Variants in PDE4D observed in about 807,000 individuals in gnomAD.
The protein encoded by PDE4D is phosphodiesterase 4D, also known as 3',5'-cyclic-AMP phosphodiesterase 4D.
A neutral mutation model predicts 87.4 loss-of-function variants in PDE4D; 24 were observed. That is an observed-to-expected ratio of 0.27 (90% CI 0.20 to 0.39). PDE4D has a LOEUF of 0.39. Among genes scored for constraint, PDE4D ranks in the 10% least tolerant of loss-of-function variants. The pLI, the probability that PDE4D is intolerant of heterozygous loss-of-function variation, is 1.00. For missense variants in PDE4D, 714 were observed against 1,041.0 expected (o/e 0.69, Z 4.32); for synonymous variants, 384 against 383.2 (o/e 1.00, Z -0.02).
intron 1 of PDE4D, among the ~76,000 whole-genome samples, chr5:59,743,162 C>T (rs1255725286): frequency 1.3e-5 from 2 of 151,978 alleles, no homozygotes; most frequent in East Asian, 1.9e-4. Flanking sequence ...CCTTATTCTT[C>T]ATAATCAAAA....
intron 1 of PDE4D, among the ~76,000 whole-genome samples, chr5:59,349,851 A>G (rs146844607): frequency 1.3e-5 from 2 of 152,102 alleles, no homozygotes; most frequent in Non-Finnish European, 2.9e-5. Context: ...CAATACCTTT[A>G]TATTTATTGC....
At chr5:60,415,649 C>T (rs373153551) in intron 1 of PDE4D, among the ~76,000 whole-genome samples, 99 of 152,360 alleles carry the variant, frequency 6.5e-4, no homozygotes, top group Middle Eastern at 6.8e-3. Context: ...TGCCTCCCCA[C>T]GGGGCAGGGC....
At chr5:59,944,899 G>A (rs539149354) in intron 3 of PDE4D, among the ~76,000 whole-genome samples, 16 of 151,384 alleles carry the variant, frequency 1.1e-4, no homozygotes, top group East Asian at 1.9e-4. Context: ...TGCAGTCTTC[G>A]CAGAATTTAA....
At chr5:60,409,030 A>G (rs1364153858) in intron 1 of PDE4D, among the ~76,000 whole-genome samples, 1 of 152,218 alleles carries the variant, frequency 6.6e-6, no homozygotes, top group East Asian at 1.9e-4. Context: ...AAGCGGACAC[A>G]GCCCCTGTCC....
intron 1 of PDE4D, among the ~76,000 whole-genome samples, chr5:59,618,933 C>T (rs1357840566): frequency 1.3e-5 from 2 of 152,060 alleles, no homozygotes; most frequent in African/African-American, 2.4e-5. Context: ...GATGCTGGCA[C>T]GTTGATATTG....
intron 1 of PDE4D, among the ~76,000 whole-genome samples, chr5:59,605,511 A>G (rs1293066802): frequency 6.6e-6 from 1 of 152,094 alleles, no homozygotes; most frequent in Admixed American, 6.6e-5. Flanking sequence ...TTGCTGCCAG[A>G]CTTTCTCTAA....
chr5:59,549,944 T>C (rs554045754), intron 1 of PDE4D, among the ~76,000 whole-genome samples: 1 of 151,812 alleles, frequency 6.6e-6, no homozygotes, highest in African/African-American at 2.4e-5. Flanking sequence ...GCTAAAAGCA[T>C]TTAGAACTAA....
chr5:60,363,799 A>G (rs1019722820), intron 1 of PDE4D, among the ~76,000 whole-genome samples: 7 of 152,216 alleles, frequency 4.6e-5, no homozygotes, highest in African/African-American at 1.2e-4. Flanking sequence ...TTGAAGTGAG[A>G]AAGAGCTTAG....
intron 5 of PDE4D, among the ~76,000 whole-genome samples, chr5:59,143,105 TTTCC>T (rs762439647): frequency 1.0e-3 from 158 of 151,974 alleles, no homozygotes; most frequent in Middle Eastern, 3.4e-3. Flanking sequence ...TGTTTCCTTC[TTTCC>T]TTCCTTCCTT....
chr5:59,798,966 G>A (rs1011972836), intron 1 of PDE4D, among the ~76,000 whole-genome samples: 5 of 152,192 alleles, frequency 3.3e-5, no homozygotes, highest in African/African-American at 1.2e-4. Context: ...AAGCTTTGGA[G>A]AGAAAGCAGA....
chr5:60,503,099 A>G (rs1362899220), intron 1 of PDE4D, among the ~76,000 whole-genome samples: 3 of 152,120 alleles, frequency 2.0e-5, no homozygotes, highest in African/African-American at 4.8e-5. Context: ...TATCTTTTTG[A>G]TGATGTGGAT....
intron 1 of PDE4D, among the ~76,000 whole-genome samples, chr5:59,242,504 T>C (rs1757879668): frequency 6.6e-6 from 1 of 152,172 alleles, no homozygotes; most frequent in African/African-American, 2.4e-5. Context: ...GGGAAATATT[T>C]AAGTAAATGA....
intron 5 of PDE4D, among the ~76,000 whole-genome samples, chr5:59,058,402 A>G (rs1580568871): frequency 6.6e-6 from 1 of 152,280 alleles, no homozygotes; most frequent in East Asian, 1.9e-4. Context: ...CCAGATGCCT[A>G]TAATGACTAT....
At chr5:59,809,144 G>A (rs1768063492) in intron 1 of PDE4D, among the ~76,000 whole-genome samples, 1 of 152,190 alleles carries the variant, frequency 6.6e-6, no homozygotes, top group Non-Finnish European at 1.5e-5. Flanking sequence ...CTCTAACATA[G>A]GGAGTTGGAC....
At chr5:58,982,964 T>C (rs1016622204) in intron 11 of PDE4D, among the ~76,000 whole-genome samples, 1 of 152,258 alleles carries the variant, frequency 6.6e-6, no homozygotes, top group Admixed American at 6.5e-5. Context: ...CCCAAATTTC[T>C]TTCTCACCAG....
At chr5:60,237,901 A>G (rs547696798) in intron 1 of PDE4D, among the ~76,000 whole-genome samples, 5 of 152,034 alleles carry the variant, frequency 3.3e-5, no homozygotes, top group African/African-American at 1.2e-4. Flanking sequence ...TATCAAATAA[A>G]ATGTTGGGGA....
intron 1 of PDE4D, among the ~76,000 whole-genome samples, chr5:59,702,869 C>CAAAA (rs71604798): frequency 0.047 from 3,227 of 68,154 alleles, 196 homozygotes; most frequent in African/African-American, 0.084. Flanking sequence ...GACCCTGTCT[C>CAAAA]AAAAAAAAAA....
rs13189895 is a variant in PDE4D, at chr5:60,176,948, C to G, written c.42+8609G>C. ...ACCATGTAGGATATAAGAAGAAAGA[C>G]ATTTCACTGTGGGAAGATAAGCAAA... On this transcript the variant is annotated intron_variant, in intron 2 of 16. Coordinates refer to the PDE4D transcript ENST00000502484. Among the ~76,000 whole-genome samples the G allele has an allele frequency of 2.7e-3, 416 of 152,176 alleles. 1 individual carries two copies. The highest frequency in any genetic ancestry group is 8.5e-3 in the African/African-American group (353 of 41,522).
At chr5:60,018,104 A>G (rs529059919) in intron 2 of PDE4D, among the ~76,000 whole-genome samples, 46 of 152,206 alleles carry the variant, frequency 3.0e-4, no homozygotes, top group African/African-American at 1.1e-3. Flanking sequence ...ACTTTTGAGA[A>G]GTGTCTGTTC....
Sources: allele counts gnomAD v4.1 joint callset (sites outside exome capture counted in the v4.1 genomes callset), GRCh38; gene constraint gnomAD v4.1.1; transcripts MANE v1.5; gene names NCBI Gene and HGNC (gene_info 2026-07-23, HGNC 2026-07-21).